Variants in AATF observed in about 807,000 individuals in gnomAD.
AATF encodes apoptosis antagonizing transcription factor, also known as protein AATF.
Under a neutral mutation model 63.7 loss-of-function variants are expected in AATF, and 48 were observed. The observed-to-expected ratio is 0.75, with a 90% CI of 0.60 to 0.96. The LOEUF (loss-of-function observed/expected upper bound fraction) is 0.96. AATF is among the 40% of genes least tolerant of loss of function. The pLI is 0.00. For missense variants in AATF, 639 were observed against 685.7 expected, an observed-to-expected ratio of 0.93 and a Z score of 0.76; for synonymous variants, 258 against 247.7, an observed-to-expected ratio of 1.04 and a Z score of -0.39.
intron 4 of AATF, among the ~76,000 whole-genome samples, chr17:36,973,983 C>T (rs553637648): frequency 6.6e-6 from 1 of 151,866 alleles, no homozygotes; most frequent in African/African-American, 2.4e-5. Flanking sequence ...GCAGAAGAAT[C>T]GCTTGAACCT....
chr17:36,985,266 G>A (rs1335088568), intron 4 of AATF, among the ~76,000 whole-genome samples: 1 of 151,870 alleles, frequency 6.6e-6, no homozygotes, highest in Non-Finnish European at 1.5e-5. Context: ...TGTTCAGTGT[G>A]TGTGGTTTTT....
Position 36,953,188 on chromosome 17 carries a change from G to T in AATF, c.586G>T (p.Asp196Tyr), listed in dbSNP as rs1408625719. ...AGACTCCCAAGGCGAGAGTGAGGAA[G>T]ACAGGGCTGGAGATAGAAACAGTGA... ...AEDSQGESEE[D>Y]RAGDRNSEDD... The change falls in exon 3 of 12, where the codon GAC (aspartate) becomes TAC (tyrosine). Residue 196 changes from aspartate (D) to tyrosine (Y), a missense_variant. Coordinates refer to ENST00000619387, the MANE Select transcript of AATF (RefSeq NM_012138.4). The T allele has an allele frequency of 6.2e-7, 1 of 1,614,220 alleles. No homozygotes were observed. Among genetic ancestry groups the T allele is most frequent in the Admixed American group, 1.7e-5 (1 of 60,018 alleles).
chr17:37,022,897 T>C (rs575572611), intron 10 of AATF, among the ~76,000 whole-genome samples: 1 of 152,310 alleles, frequency 6.6e-6, no homozygotes, highest in African/African-American at 2.4e-5. Flanking sequence ...CATTTATTTG[T>C]TTACTGACAC....
At chr17:36,983,289 C>A (rs2071141442) in intron 4 of AATF, among the ~76,000 whole-genome samples, 1 of 152,052 alleles carries the variant, frequency 6.6e-6, no homozygotes, top group Non-Finnish European at 1.5e-5. Flanking sequence ...GCAGTTTATC[C>A]ACCTCAGCCT....
rs115040213 is a variant in AATF, at chr17:37,025,367, G to T, written c.1547+4353G>T. ...ATAGTTTGGCAACAGTTTAATTGCT[G>T]TTTACCCAGGGAGGGTACGGTGTGA... On this transcript the variant is annotated intron_variant, in intron 10 of 11. Transcript: ENST00000619387. Among the ~76,000 whole-genome samples the T allele has an allele frequency of 1.1e-3, 172 of 152,278 alleles. 1 individual carries two copies. The highest frequency in any genetic ancestry group is 1.9e-3 in the Non-Finnish European group (128 of 68,004).
intron 8 of AATF, among the ~76,000 whole-genome samples, chr17:36,991,731 G>A (rs975790545): frequency 1.3e-5 from 2 of 151,692 alleles, no homozygotes; most frequent in East Asian, 1.9e-4. Context: ...GACTACAGGC[G>A]CCCGCCACCA....
intron 10 of AATF, among the ~76,000 whole-genome samples, chr17:37,029,282 C>A (rs2071534450): frequency 1.3e-5 from 2 of 151,694 alleles, no homozygotes; most frequent in Admixed American, 1.3e-4. Context: ...CTTGCTCTGT[C>A]ACCCAGGCTG....
chr17:37,020,198 T>C (rs1318782826), intron 9 of AATF, among the ~76,000 whole-genome samples: 8 of 147,244 alleles, frequency 5.4e-5, no homozygotes, highest in Admixed American at 3.3e-4. Flanking sequence ...TGAATCTTGT[T>C]TGGATTCTGA....
intron 4 of AATF, among the ~76,000 whole-genome samples, chr17:36,958,154 T>C (rs1168231942): frequency 2.0e-5 from 3 of 149,268 alleles, no homozygotes; most frequent in Non-Finnish European, 4.4e-5. Flanking sequence ...TTGCTTTTTC[T>C]CTCTTTCTTT....
intron 5 of AATF, 105 bp from the exon 6 acceptor site, chr17:36,988,414 G>A: frequency 1.9e-6 from 2 of 1,064,658 alleles, no homozygotes; most frequent in Admixed American, 2.4e-5. Context: ...AATGGAGACA[G>A]AACAGGTAAG....
chr17:37,037,031 CAG>C (rs1371692434), intron 11 of AATF, among the ~76,000 whole-genome samples: 1 of 137,462 alleles, frequency 7.3e-6, no homozygotes, highest in Non-Finnish European at 1.5e-5. Context: ...TTTTTTGAGA[CAG>C]AGTCTCGTTC....
At chr17:37,036,372 T>C (rs1291249971) in intron 11 of AATF, among the ~76,000 whole-genome samples, 7 of 152,132 alleles carry the variant, frequency 4.6e-5, no homozygotes, top group Admixed American at 4.6e-4. Context: ...TTGACTTAAA[T>C]TGAAACTGGA....
intron 4 of AATF, among the ~76,000 whole-genome samples, chr17:36,985,415 C>T (rs1454358675): frequency 2.0e-5 from 3 of 151,418 alleles, no homozygotes; most frequent in South Asian, 2.1e-4. Flanking sequence ...GCTGGAACTA[C>T]AGGTACGCAC....
chr17:36,975,023 A>G (rs962174357), intron 4 of AATF, among the ~76,000 whole-genome samples: 3 of 152,190 alleles, frequency 2.0e-5, no homozygotes, highest in Admixed American at 2.0e-4. Context: ...ATTTTCTTTC[A>G]GACAGTACTG....
Position 37,056,764 on chromosome 17 carries a change from G to C in AATF, c.*100G>C, listed in dbSNP as rs1322395410. ...TTTATGGGGCTGAGCTAGTAGGGAA[G>C]CCCCTGGAAAGATGCTGCGTTCCGA... On this transcript the variant is annotated 3_prime_UTR_variant, in exon 12 of 12. Coordinates refer to ENST00000619387, the MANE Select transcript of AATF (RefSeq NM_012138.4). 5 of 1,329,040 alleles carry C rather than the reference G, an allele frequency of 3.8e-6. No individual in the cohort carries two copies. The highest frequency in any genetic ancestry group is 4.2e-6 in the Non-Finnish European group (4 of 943,482). 82.3% of individuals were successfully genotyped at this position (1,329,040 alleles called of 1,614,324 possible). A position where few individuals can be genotyped will look rare whatever the true frequency, so the allele number is the denominator to read the frequency against.
In AATF at chr17:36,990,332, C is replaced by T. The variant is rs568275859; in HGVS notation, c.1315-442C>T. Among the ~76,000 whole-genome samples, 41 of 152,080 alleles carry T rather than the reference C, an allele frequency of 2.7e-4. 1 individual carries two copies. ...GCAAACAATGGATATTATGTTGTCT[C>T]CAGTTTCAGAAACACTGCTACAGGA... On this transcript the variant is annotated intron_variant, in intron 7 of 11. Coordinates refer to ENST00000619387, the MANE Select transcript of AATF (RefSeq NM_012138.4).
chr17:36,959,448 A>G (rs956964894), intron 4 of AATF, among the ~76,000 whole-genome samples: 1 of 152,214 alleles, frequency 6.6e-6, no homozygotes, highest in Non-Finnish European at 1.5e-5. Flanking sequence ...GTCTCAAGAA[A>G]ACAAACAAAC....
intron 4 of AATF, among the ~76,000 whole-genome samples, chr17:36,968,891 G>T (rs1351049763): frequency 6.6e-6 from 1 of 152,144 alleles, no homozygotes; most frequent in Non-Finnish European, 1.5e-5. Flanking sequence ...GCCTCCCAAA[G>T]CGCTGACATT....
intron 8 of AATF, among the ~76,000 whole-genome samples, chr17:37,015,284 A>G (rs180735438): frequency 3.3e-4 from 50 of 152,338 alleles, no homozygotes; most frequent in African/African-American, 1.2e-3. Context: ...TTTGTTTTCT[A>G]TATATCTATT....
Sources: gnomAD v4.1 joint callset for allele counts (sites outside exome capture counted in the v4.1 genomes callset) on GRCh38, gnomAD v4.1.1 for gene constraint, MANE v1.5 for transcripts, NCBI Gene and HGNC (gene_info 2026-07-23, HGNC 2026-07-21) for gene names.